Variants in PCED1B observed in about 807,000 individuals in gnomAD.
PCED1B encodes PC-esterase domain containing 1B, also known as PC-esterase domain-containing protein 1B.
For synonymous variants in PCED1B, 251 were observed against 246.1 expected (o/e 1.02, Z -0.19); for missense variants, 573 against 573.9 (o/e 1.00, Z 0.02).
At chr12:47,141,208 G>A (rs1257616664) in intron 2 of PCED1B, among the ~76,000 whole-genome samples, 1 of 152,160 alleles carries the variant, frequency 6.6e-6, no homozygotes, top group African/African-American at 2.4e-5. Context: ...TGGAATAGGA[G>A]GTCCCTTGAT....
chr12:47,139,033 G>T (rs886196221), intron 2 of PCED1B, among the ~76,000 whole-genome samples: 3 of 151,972 alleles, frequency 2.0e-5, no homozygotes, highest in Non-Finnish European at 4.4e-5. Context: ...CTTATTATCT[G>T]TCTCCTTGAA....
chr12:47,151,865 A>T (rs1257571591), intron 2 of PCED1B, among the ~76,000 whole-genome samples: 2 of 152,156 alleles, frequency 1.3e-5, no homozygotes, highest in African/African-American at 4.8e-5. Flanking sequence ...TCAAATGTTA[A>T]TCCCACCCAG....
chr12:47,216,808 C>G (rs769025670), intron 3 of PCED1B, 119 bp downstream of exon 3: 1 of 152,250 alleles, frequency 6.6e-6, no homozygotes, highest in East Asian at 1.9e-4. Context: ...GCACCCTAGC[C>G]TCCTTCAGCC....
At chr12:47,128,423 G>A (rs945908811) in intron 2 of PCED1B, among the ~76,000 whole-genome samples, 3 of 152,058 alleles carry the variant, frequency 2.0e-5, no homozygotes, top group Non-Finnish European at 4.4e-5. Context: ...TTCCCTTAGA[G>A]GTAACCCATG....
Position 47,173,894 on chromosome 12 carries a change from G to A in PCED1B, c.-525-42328G>A, listed in dbSNP as rs1020068597. Among the ~76,000 whole-genome samples the A allele has an allele frequency of 4.6e-5, 7 of 152,252 alleles. No homozygotes were observed. In the East Asian group the frequency reaches 1.4e-3, roughly 29 times the overall value. On this transcript the variant is annotated intron_variant, in intron 2 of 3. Coordinates refer to ENST00000546455, the MANE Select transcript of PCED1B (RefSeq NM_138371.3). ...GGAAAATGTCTGTGGTAAATGCTGC[G>A]GATGCTTTGAAGACTATTCTTATTC... is the stretch of plus-strand genomic sequence containing the variant.
intron 2 of PCED1B, among the ~76,000 whole-genome samples, chr12:47,146,740 C>T (rs2137431440): frequency 6.6e-6 from 1 of 152,232 alleles, no homozygotes; most frequent in South Asian, 2.1e-4. Context: ...ATAACTTTTG[C>T]ATGTGCTGGG....
chr12:47,179,138 C>G (rs769213717), intron 2 of PCED1B, among the ~76,000 whole-genome samples: 8 of 152,172 alleles, frequency 5.3e-5, no homozygotes, highest in Non-Finnish European at 1.0e-4. Flanking sequence ...AGGTTGCAAC[C>G]ACAATTTAGA....
At chr12:47,190,292 T>C (rs1942402204) in intron 2 of PCED1B, among the ~76,000 whole-genome samples, 1 of 152,168 alleles carries the variant, frequency 6.6e-6, no homozygotes, top group African/African-American at 2.4e-5. Flanking sequence ...GCCTGCCCCA[T>C]TGTGGCCCCA....
intron 2 of PCED1B, among the ~76,000 whole-genome samples, chr12:47,118,196 T>G (rs1177569849): frequency 1.3e-5 from 2 of 152,228 alleles, no homozygotes; most frequent in Non-Finnish European, 2.9e-5. Flanking sequence ...TTAGTTTAAT[T>G]AGATCCCATT....
At chr12:47,190,514 T>C (rs544955175) in intron 2 of PCED1B, among the ~76,000 whole-genome samples, 3 of 152,374 alleles carry the variant, frequency 2.0e-5, no homozygotes, top group South Asian at 2.1e-4. Context: ...GGGTTCTTTA[T>C]GCCTACACCA....
At chr12:47,171,897 CTCTTCTTCCTCT>C (rs1941754226) in intron 2 of PCED1B, among the ~76,000 whole-genome samples, 2 of 138,610 alleles carry the variant, frequency 1.4e-5, no homozygotes, top group African/African-American at 2.8e-5. Context: ...CTTCTTCTTC[CTCTTCTTCCTCT>C]TCTTCTTCTT....
intron 2 of PCED1B, among the ~76,000 whole-genome samples, chr12:47,197,564 C>T (rs143018754): frequency 6.3e-4 from 96 of 151,612 alleles, no homozygotes; most frequent in Middle Eastern, 3.4e-3. Flanking sequence ...GTCCAGATCG[C>T]GCCATTGCAC....
chr12:47,196,594 G>A (rs549618962), intron 2 of PCED1B, among the ~76,000 whole-genome samples: 2 of 152,268 alleles, frequency 1.3e-5, no homozygotes, highest in East Asian at 3.9e-4. Context: ...TTGGGAGGCC[G>A]AGGCAGGCAG....
At position 47,216,399 on chromosome 12, in the gene PCED1B, C is replaced by T. The variant is rs1358573251; in HGVS notation, c.-348C>T. The T allele has an allele frequency of 6.6e-6, 1 of 152,230 alleles. No individual in the cohort carries two copies. Among genetic ancestry groups the T allele is most frequent in the Non-Finnish European group, 1.5e-5 (1 of 68,048 alleles). The allele number at this position is 152,230 out of a possible 1,614,324, so 9.4% of individuals were successfully genotyped here. On this transcript the variant is annotated 5_prime_UTR_variant, in exon 3 of 4. Transcript: ENST00000546455. Reference sequence around the variant, plus strand: ...ATTGACTTACCATTTCATGTTTTCACACATGTCAAAGTCTTGAAGCTTCGG... The same window carrying T: ...ATTGACTTACCATTTCATGTTTTCATACATGTCAAAGTCTTGAAGCTTCGG...
intron 1 of PCED1B, among the ~76,000 whole-genome samples, chr12:47,090,541 T>C (rs1346220516): frequency 1.3e-5 from 2 of 152,104 alleles, no homozygotes; most frequent in Non-Finnish European, 2.9e-5. Flanking sequence ...ACCACACCCT[T>C]GTAACCATCA....
intron 2 of PCED1B, among the ~76,000 whole-genome samples, chr12:47,174,820 C>A (rs1353734223): frequency 1.3e-5 from 2 of 152,150 alleles, no homozygotes; most frequent in Non-Finnish European, 2.9e-5. Flanking sequence ...AATCCTGGGT[C>A]TCCCACTTAG....
chr12:47,224,379 A>G (rs1027716936), intron 3 of PCED1B, among the ~76,000 whole-genome samples: 3 of 152,212 alleles, frequency 2.0e-5, no homozygotes, highest in African/African-American at 7.2e-5. Flanking sequence ...TGTTTATATT[A>G]GACTATTATT....
intron 1 of PCED1B, among the ~76,000 whole-genome samples, chr12:47,101,575 C>A (rs1035311878): frequency 6.6e-6 from 1 of 152,126 alleles, no homozygotes; most frequent in East Asian, 1.9e-4. Flanking sequence ...TCATCATGAG[C>A]CCCCTTTCCC....
intron 2 of PCED1B, among the ~76,000 whole-genome samples, chr12:47,204,751 G>T (rs1942865461): frequency 6.6e-6 from 1 of 152,078 alleles, no homozygotes; most frequent in African/African-American, 2.4e-5. Flanking sequence ...GCTCTTAATT[G>T]CTCCTCTGAA....
Sources: allele counts gnomAD v4.1 joint callset (sites outside exome capture counted in the v4.1 genomes callset), GRCh38; gene constraint gnomAD v4.1.1; transcripts MANE v1.5; gene names NCBI Gene and HGNC (gene_info 2026-07-23, HGNC 2026-07-21).